The following TMPRSS12 variants were observed in gnomAD, a reference collection of about 807,000 sequenced individuals.
TMPRSS12 encodes transmembrane protease serine 12.
Under a neutral mutation model 26.0 loss-of-function variants are expected in TMPRSS12, and 25 were observed. That is an observed-to-expected ratio of 0.96 (90% CI 0.70 to 1.34). The LOEUF is 1.34. Among genes scored for constraint, TMPRSS12 ranks in the 40% most tolerant of loss-of-function variants. The pLI is 0.00. For synonymous variants in TMPRSS12, 150 were observed against 161.7 expected (o/e 0.93, Z 0.55); for missense variants, 441 against 440.1 (o/e 1.00, Z -0.02).
chr12:50,865,969 G>C (rs1307427313), intron 3 of TMPRSS12, among the ~76,000 whole-genome samples: 1 of 152,180 alleles, frequency 6.6e-6, no homozygotes, highest in Non-Finnish European at 1.5e-5. Context: ...GGCAGAACTA[G>C]ATTGCAGCTC....
chr12:50,872,554 A>AG, intron 3 of TMPRSS12, among the ~76,000 whole-genome samples: 1 of 125,714 alleles, frequency 8.0e-6, no homozygotes, highest in African/African-American at 3.0e-5. Context: ...GAACTGTGAA[A>AG]AAAATATATA....
intron 3 of TMPRSS12, among the ~76,000 whole-genome samples, chr12:50,884,741 G>A (rs1938206382): frequency 6.6e-6 from 1 of 151,978 alleles, no homozygotes; most frequent in Non-Finnish European, 1.5e-5. Flanking sequence ...GCATGGTGGT[G>A]AGTGCCTGTA....
chr12:50,848,413 T>C (rs1937794293), intron 2 of TMPRSS12: 1 of 152,240 alleles, frequency 6.6e-6, no homozygotes. Flanking sequence ...GATTCTGATA[T>C]GCAGCCAGAT....
chr12:50,883,189 G>A (rs1938192208), intron 3 of TMPRSS12, among the ~76,000 whole-genome samples: 1 of 152,092 alleles, frequency 6.6e-6, no homozygotes, highest in Non-Finnish European at 1.5e-5. Context: ...AAATTATCTG[G>A]GCATAGTGGT....
intron 3 of TMPRSS12, among the ~76,000 whole-genome samples, chr12:50,875,489 CAAAAAAA>C (rs56816598): frequency 1.4e-5 from 1 of 69,500 alleles, no homozygotes; most frequent in Non-Finnish European, 2.6e-5. Flanking sequence ...GACTCCATCT[CAAAAAAA>C]AAAAAAAAAA....
chr12:50,844,967 A>T (rs1937754267), intron 2 of TMPRSS12, among the ~76,000 whole-genome samples: 1 of 152,202 alleles, frequency 6.6e-6, no homozygotes, highest in African/African-American at 2.4e-5. Context: ...CGGGAGGATC[A>T]CTTGAGGCCA....
chr12:50,865,717 G>T (rs1481113995), intron 3 of TMPRSS12, among the ~76,000 whole-genome samples: 1 of 149,282 alleles, frequency 6.7e-6, no homozygotes, highest in East Asian at 2.0e-4. Flanking sequence ...AAAAACAGAA[G>T]ATCTGAAATG....
chr12:50,885,852 G>A (rs1190898339), intron 4 of TMPRSS12: 2 of 202,052 alleles, frequency 9.9e-6, no homozygotes, highest in Admixed American at 5.9e-5. Context: ...ATTTTCAGTA[G>A]AGACAGGGCT....
chr12:50,883,423 C>T (rs180991332), intron 3 of TMPRSS12, among the ~76,000 whole-genome samples: 2 of 152,288 alleles, frequency 1.3e-5, no homozygotes, highest in East Asian at 3.9e-4. Context: ...TGTGGTGGTT[C>T]ACACCTGTAA....
chr12:50,843,175 C>T (rs1411035736), intron 1 of TMPRSS12, 24 bp downstream of exon 1: 2 of 1,528,062 alleles, frequency 1.3e-6, no homozygotes, highest in African/African-American at 1.4e-5. Context: ...GTGCCTGTCT[C>T]TGGGGAGCCT....
intron 3 of TMPRSS12, among the ~76,000 whole-genome samples, chr12:50,870,298 T>A (rs959532555): frequency 6.6e-6 from 1 of 150,480 alleles, no homozygotes; most frequent in African/African-American, 2.5e-5. Context: ...TGGTTTAACA[T>A]ACACAAGTCA....
At chr12:50,857,116 T>C (rs1321514173) in intron 2 of TMPRSS12, among the ~76,000 whole-genome samples, 6 of 152,248 alleles carry the variant, frequency 3.9e-5, no homozygotes, top group Admixed American at 6.5e-5. Flanking sequence ...TTTCTAGCCA[T>C]ATATGCAAAT....
chr12:50,875,455 A>C (rs1938104081), intron 3 of TMPRSS12, among the ~76,000 whole-genome samples: 1 of 131,280 alleles, frequency 7.6e-6, no homozygotes, highest in African/African-American at 2.8e-5. Context: ...ATGCCACTGT[A>C]CTCAAGCCTG....
intron 3 of TMPRSS12, among the ~76,000 whole-genome samples, chr12:50,868,209 G>A (rs1938009349): frequency 6.6e-6 from 1 of 152,130 alleles, no homozygotes; most frequent in Non-Finnish European, 1.5e-5. Flanking sequence ...ACTGCAGACT[G>A]GATGAGAACT....
rs763173593 is a variant in TMPRSS12, at chr12:50,887,262, G to A, written c.796G>A (p.Gly266Ser). The part of the protein sequence containing the change: ...DEDGAFDTCR[G>S]DSGGPLMCYL... ...CACTATTTTGGGACTTTTTTGACAG[G>A]GTGACAGTGGGGGACCATTAATGTG... The change falls in exon 5 of 5, where the codon GGT (glycine) becomes AGT (serine). Residue 266 changes from glycine to serine, a missense_variant and splice_region_variant. By Grantham distance (56) the Gly-to-Ser change is moderately conservative. Coordinates refer to ENST00000398458, the MANE Select transcript of TMPRSS12 (RefSeq NM_182559.3). The A allele has an allele frequency of 1.9e-6, 3 of 1,612,026 alleles. 1 individual carries two copies. The South Asian group carries it at 3.3e-5, about 18-fold the overall frequency.
chr12:50,871,372 G>T (rs560378775), intron 3 of TMPRSS12, among the ~76,000 whole-genome samples: 52 of 152,270 alleles, frequency 3.4e-4, no homozygotes, highest in South Asian at 1.5e-3. Context: ...AACAAATGGG[G>T]CTGGGATAAT....
intron 3 of TMPRSS12, among the ~76,000 whole-genome samples, chr12:50,865,414 A>G (rs12831858): frequency 0.26 from 40,219 of 152,148 alleles, 5,992 homozygotes; most frequent in South Asian, 0.34. Flanking sequence ...ACCAGAAGAT[A>G]TATCTGAAGG....
chr12:50,875,845 A>G (rs554896535), intron 3 of TMPRSS12, among the ~76,000 whole-genome samples: 1 of 152,328 alleles, frequency 6.6e-6, no homozygotes, highest in East Asian at 1.9e-4. Context: ...TGGCCTTGGG[A>G]AAGAGTTTAT....
intron 3 of TMPRSS12, among the ~76,000 whole-genome samples, chr12:50,883,670 T>C (rs1938196702): frequency 6.6e-6 from 1 of 152,092 alleles, no homozygotes; most frequent in African/African-American, 2.4e-5. Context: ...AGCAAGATTC[T>C]GTCTCAAAAA....
Sources: gnomAD v4.1 joint callset for allele counts (sites outside exome capture counted in the v4.1 genomes callset) on GRCh38, gnomAD v4.1.1 for gene constraint, MANE v1.5 for transcripts, NCBI Gene and HGNC (gene_info 2026-07-23, HGNC 2026-07-21) for gene names.